FIBCD1: variants seen among roughly 807,000 people sequenced by gnomAD.
The protein encoded by FIBCD1 is fibrinogen C domain-containing protein 1.
In FIBCD1, 47 loss-of-function variants were observed where a neutral mutation model predicts 45.1. That is an observed-to-expected ratio of 1.04 (90% confidence interval 0.82 to 1.33). FIBCD1 has a LOEUF of 1.33. FIBCD1 is among the 40% of genes most tolerant of loss of function. FIBCD1 has a pLI of 0.00. For missense variants in FIBCD1, 653 were observed against 682.2 expected, an observed-to-expected ratio of 0.96 and a Z score of 0.48; for synonymous variants, 313 against 308.1, an observed-to-expected ratio of 1.02 and a Z score of -0.17.
chr9:130,938,449 C>G, intron 1 of FIBCD1, 87 bp downstream of exon 1: 1 of 1,188,542 alleles, frequency 8.4e-7, no homozygotes, highest in Non-Finnish European at 1.1e-6. Context: ...CAAACTCCAG[C>G]CCCCGCAATG....
chr9:130,904,625 G>A (rs1282416088), intron 6 of FIBCD1, among the ~76,000 whole-genome samples: 3 of 151,078 alleles, frequency 2.0e-5, no homozygotes, highest in East Asian at 1.9e-4. Flanking sequence ...CTGCCTCCCC[G>A]CTCCTCGGCC....
rs557909381 is a variant in FIBCD1 at position 130,917,728 on chromosome 9, G to A, written c.850-5840C>T. Among the ~76,000 whole-genome samples, 41 of 152,316 alleles carry A rather than the reference G, an allele frequency of 2.7e-4. No individual in the cohort carries two copies. In the East Asian group the frequency reaches 2.7e-3, roughly 10 times the overall value. ...GTCACCCTAGCACCCGGCCAGTGCC[G>A]TAGAGGATGACCACGGCCTTCCCCG... On this transcript the variant is annotated intron_variant, in intron 4 of 6. Coordinates refer to ENST00000372338, the MANE Select transcript of FIBCD1 (RefSeq NM_032843.5).
intron 4 of FIBCD1, among the ~76,000 whole-genome samples, chr9:130,923,051 G>A (rs183176924): frequency 6.6e-6 from 1 of 152,242 alleles, no homozygotes; most frequent in Admixed American, 6.5e-5. Context: ...GTGCTTCCCC[G>A]GAACCCAGTA....
At chr9:130,937,953 C>G (rs1307118644) in intron 1 of FIBCD1, 4 of 152,404 alleles carry the variant, frequency 2.6e-5, no homozygotes, top group Non-Finnish European at 5.9e-5. Flanking sequence ...CAGGCAGGAG[C>G]CAACCATCTC....
At chr9:130,920,584 G>A (rs756915895) in intron 4 of FIBCD1, among the ~76,000 whole-genome samples, 1 of 152,148 alleles carries the variant, frequency 6.6e-6, no homozygotes, top group Admixed American at 6.5e-5. Flanking sequence ...CCACAGGAGG[G>A]TGTGGTCCCT....
intron 1 of FIBCD1, among the ~76,000 whole-genome samples, chr9:130,934,258 G>A (rs1031816343): frequency 6.6e-6 from 1 of 152,172 alleles, no homozygotes; most frequent in Non-Finnish European, 1.5e-5. Context: ...CCTGGCCCTG[G>A]CAGAGGGAGG....
chr9:130,925,985 G>A (rs939591204), intron 2 of FIBCD1, among the ~76,000 whole-genome samples: 4 of 152,212 alleles, frequency 2.6e-5, no homozygotes, highest in African/African-American at 9.7e-5. Flanking sequence ...CCTCTGCTGA[G>A]CAGGTGATTC....
intron 4 of FIBCD1, among the ~76,000 whole-genome samples, chr9:130,916,209 G>A (rs570554375): frequency 8.5e-5 from 13 of 152,240 alleles, no homozygotes; most frequent in Non-Finnish European, 1.3e-4. Context: ...GATTATAGGC[G>A]TGAGCCACCG....
chr9:130,927,483 G>A (rs1017047619), intron 2 of FIBCD1, among the ~76,000 whole-genome samples: 7 of 152,182 alleles, frequency 4.6e-5, no homozygotes, highest in African/African-American at 1.7e-4. Flanking sequence ...CCCAGAGAGG[G>A]GAAGCAACCT....
At chr9:130,911,239 G>C (rs144904981) in intron 5 of FIBCD1, among the ~76,000 whole-genome samples, 1 of 152,116 alleles carries the variant, frequency 6.6e-6, no homozygotes, top group Non-Finnish European at 1.5e-5. Context: ...GAACATATCC[G>C]AACATCAGAA....
chr9:130,926,388 G>A lies in FIBCD1; in HGVS notation c.553-1992C>T, dbSNP rs1363120432. 6.6e-6 allele frequency among the ~76,000 whole-genome samples: 1 copy of A among 152,264 alleles called. No homozygotes were observed. The highest frequency in any genetic ancestry group is 1.5e-5 in the Non-Finnish European group (1 of 68,052). ...GAAGTGAGTCCCTGCTTGCCGAGCT[G>A]CAGAGGCGCATCAGGGGAGGGCTGG... On this transcript the variant is annotated intron_variant, in intron 2 of 6. Coordinates refer to ENST00000372338, the MANE Select transcript of FIBCD1 (RefSeq NM_032843.5). The surrounding 1 kb of genome is among the most constrained non-coding windows in gnomAD (Gnocchi z 4.1).
upstream of FIBCD1, among the ~76,000 whole-genome samples, chr9:130,940,208 G>A (rs1832599887): frequency 6.6e-6 from 1 of 152,166 alleles, no homozygotes; most frequent in Non-Finnish European, 1.5e-5. Flanking sequence ...GTCCAGCCTG[G>A]GCTGGGGCAC....
Position 130,938,669 on chromosome 9 carries a change from G to T in FIBCD1, c.-62C>A. 8.6e-7 allele frequency: 1 copy of T among 1,165,190 alleles called. No individual in the cohort carries two copies. The highest frequency in any genetic ancestry group is 1.1e-6 in the Non-Finnish European group (1 of 925,776). The allele number at this position is 1,165,190 out of a possible 1,614,324, so 72.2% of individuals were successfully genotyped here. ...CGCCGCTGCGGAGCGCAAAGGAGAC[G>T]GGGTGGGCGCGGGCGCGGGCGCGGG... On this transcript the variant is annotated 5_prime_UTR_variant, in exon 1 of 7. Transcript: ENST00000372338.
chr9:130,935,875 G>GACC (rs1207268255), intron 1 of FIBCD1, among the ~76,000 whole-genome samples: 1 of 152,190 alleles, frequency 6.6e-6, no homozygotes, highest in Non-Finnish European at 1.5e-5. Flanking sequence ...CGTGGCCTGT[G>GACC]ACCTACTGGT....
At chr9:130,915,190 C>T (rs1832136864) in intron 4 of FIBCD1, among the ~76,000 whole-genome samples, 1 of 152,156 alleles carries the variant, frequency 6.6e-6, no homozygotes, top group South Asian at 2.1e-4. Flanking sequence ...AAGAGCTGGT[C>T]CCTGCACCCA....
chr9:130,939,908 G>A (rs1306403628), upstream of FIBCD1, among the ~76,000 whole-genome samples: 1 of 151,952 alleles, frequency 6.6e-6, no homozygotes, highest in South Asian at 2.1e-4. Flanking sequence ...CCGACGCCGC[G>A]CTCCCCTCCC....
At chr9:130,910,998 A>G (rs1241513290) in intron 5 of FIBCD1, among the ~76,000 whole-genome samples, 1 of 152,222 alleles carries the variant, frequency 6.6e-6, no homozygotes, top group Non-Finnish European at 1.5e-5. Context: ...AAAACAGACC[A>G]CTGGGCTCTA....
rs532058725 is a variant in FIBCD1 at position 130,926,882 on chromosome 9, C to T, written c.553-2486G>A. On this transcript the variant is annotated intron_variant, in intron 2 of 6. Coordinates refer to ENST00000372338, the MANE Select transcript of FIBCD1 (RefSeq NM_032843.5). This position sits in a 1 kb window ranked among gnomAD's most constrained non-coding sequence, Gnocchi z 4.1. Reference sequence around the variant, plus strand: ...ATGGGATAACAAATGTACTAACCTCCTGGCGTTATGGGGCTGCAAAGTGCC... The same window carrying T: ...ATGGGATAACAAATGTACTAACCTCTTGGCGTTATGGGGCTGCAAAGTGCC... Among the ~76,000 whole-genome samples the T allele has an allele frequency of 3.2e-4, 49 of 152,212 alleles. No individual in the cohort carries two copies. The South Asian group carries it at 3.5e-3, about 11-fold the overall frequency.
At position 130,939,195 on chromosome 9, in the gene FIBCD1, C is replaced by G. The variant is rs2133133510; in HGVS notation, c.-588G>C. The G allele has an allele frequency of 6.6e-6, 1 of 152,142 alleles. No individual in the cohort carries two copies. The highest frequency in any genetic ancestry group is 2.1e-4 in the South Asian group (1 of 4,830). The allele number at this position is 152,142 out of a possible 1,614,324, so 9.4% of individuals were successfully genotyped here. ...CCCGGCGGCGCCTCTGCACAAACTTCCTCCCGGACCGGACTCACACAAGTC... is the reference window on the plus strand; with the variant it reads ...CCCGGCGGCGCCTCTGCACAAACTTGCTCCCGGACCGGACTCACACAAGTC... On this transcript the variant is annotated 5_prime_UTR_variant, in exon 1 of 7. Transcript: ENST00000372338.
Sources: gnomAD v4.1 joint callset for allele counts (sites outside exome capture counted in the v4.1 genomes callset) on GRCh38, gnomAD v4.1.1 for gene constraint, Gnocchi (gnomAD v3.1) non-coding constraint, MANE v1.5 for transcripts, NCBI Gene and HGNC (gene_info 2026-07-23, HGNC 2026-07-21) for gene names.